Variants in RANBP2 observed in about 807,000 individuals in gnomAD.
RANBP2 encodes RAN binding protein 2.
RANBP2 carries 57 observed loss-of-function variants against 303.6 expected under a neutral mutation model. The observed-to-expected ratio is 0.19, with a 90% CI of 0.15 to 0.23. The LOEUF (loss-of-function observed/expected upper bound fraction) is 0.23, where lower values mean the gene tolerates loss of function less well. Among genes scored for constraint, RANBP2 ranks in the 10% least tolerant of loss-of-function variants. The probability of loss-of-function intolerance (pLI) is 1.00; values close to 1 mark genes in which losing one functional copy is unlikely to be tolerated. For synonymous variants in RANBP2, 1,167 were observed against 1,301.5 expected, an observed-to-expected ratio of 0.90 and a Z score of 2.23; for missense variants, 3,138 against 3,780.8, an observed-to-expected ratio of 0.83 and a Z score of 4.46.
chr2:108,753,475 T>C lies in RANBP2; in HGVS notation c.1967T>C (p.Ile656Thr), dbSNP rs1204704940. ...YEEDAHITFA[I>T]LDAVNGNIED... is the part of the protein sequence containing the mutation. ...GAAGACGCACACATAACTTTTGCTA[T>C]ATTGGATGCAGTAAATGGAAATATA... The change falls in exon 14 of 29, where the codon ATA becomes ACA. Residue 656 changes from isoleucine to threonine, a missense_variant. Around this residue, in one of 20 missense-constraint regions of RANBP2, gnomAD observed 162 missense variants for 286.9 expected, o/e 0.56. Coordinates refer to ENST00000283195, the MANE Select transcript of RANBP2 (RefSeq NM_006267.5). The C allele has an allele frequency of 6.8e-6, 11 of 1,611,804 alleles. No homozygotes were observed. Among genetic ancestry groups the C allele is most frequent in the Non-Finnish European group, 9.3e-6 (11 of 1,179,834 alleles).
the RANBP2 span, among the ~76,000 whole-genome samples, chr2:109,056,318 C>G: frequency 1.3e-5 from 2 of 152,158 alleles, no homozygotes. Flanking sequence ...AGATGCAGGC[C>G]ACCATGCCTC....
chr2:108,748,663 T>C (rs1276429294), intron 8 of RANBP2, among the ~76,000 whole-genome samples: 9 of 152,160 alleles, frequency 5.9e-5, no homozygotes, highest in East Asian at 1.9e-4. Flanking sequence ...AATGCAAATA[T>C]GTTTGGCATT....
At chr2:108,816,035 G>T in the RANBP2 span, 1 of 1,613,782 alleles carries the variant, frequency 6.2e-7, no homozygotes, top group East Asian at 2.2e-5. Flanking sequence ...GAAGAATCTG[G>T]AATGGATGGT....
the RANBP2 span, among the ~76,000 whole-genome samples, chr2:109,150,713 A>C: frequency 6.6e-6 from 1 of 152,094 alleles, no homozygotes; most frequent in East Asian, 1.9e-4. Flanking sequence ...GATGAGCCTC[A>C]TTTCACAGAG....
chr2:108,811,568 T>A, the RANBP2 span, among the ~76,000 whole-genome samples: 1 of 152,080 alleles, frequency 6.6e-6, no homozygotes, highest in Non-Finnish European at 1.5e-5. Context: ...GTCTAGCTCA[T>A]GGTTTGTTGG....
chr2:109,504,686 A>T, the RANBP2 span: 1 of 152,280 alleles, frequency 6.6e-6, no homozygotes, highest in African/African-American at 2.4e-5. Context: ...GCCAAGAGGG[A>T]CCCAGGTAGG....
the RANBP2 span, among the ~76,000 whole-genome samples, chr2:108,842,204 T>G: frequency 2.0e-4 from 2 of 9,874 alleles, no homozygotes; most frequent in Admixed American, 2.3e-3. Context: ...ATTAAAAAGT[T>G]TTTTTTTTTT....
chr2:108,739,823 G>A (rs1212900856), intron 6 of RANBP2, among the ~76,000 whole-genome samples: 3 of 151,970 alleles, frequency 2.0e-5, no homozygotes, highest in Non-Finnish European at 4.4e-5. Flanking sequence ...GTCTCTACTA[G>A]AAATATAAAA....
At chr2:109,481,419 G>A in the RANBP2 span, among the ~76,000 whole-genome samples, 5 of 152,114 alleles carry the variant, frequency 3.3e-5, no homozygotes, top group African/African-American at 1.2e-4. Flanking sequence ...AGAGACTGGT[G>A]TATTTCCTCC....
chr2:109,431,984 C>A, the RANBP2 span, among the ~76,000 whole-genome samples: 1 of 152,188 alleles, frequency 6.6e-6, no homozygotes, highest in East Asian at 1.9e-4. Context: ...AGGTCTCTTC[C>A]ACCTCTGGTT....
chr2:109,539,127 G>A, the RANBP2 span, among the ~76,000 whole-genome samples: 1 of 151,846 alleles, frequency 6.6e-6, no homozygotes, highest in Non-Finnish European at 1.5e-5. Flanking sequence ...GTGAAACCCC[G>A]TCTCTACTAA....
At chr2:108,870,060 AC>A in the RANBP2 span, among the ~76,000 whole-genome samples, 1 of 152,246 alleles carries the variant, frequency 6.6e-6, no homozygotes, top group Non-Finnish European at 1.5e-5. Context: ...GGGAAGTGAT[AC>A]ATGAGCAAAA....
chr2:108,727,142 T>C (rs1573689797), intron 1 of RANBP2, among the ~76,000 whole-genome samples: 1 of 152,146 alleles, frequency 6.6e-6, no homozygotes, highest in Non-Finnish European at 1.5e-5. Flanking sequence ...CTCAATGAGC[T>C]GTTGAGTACA....
intron 1 of RANBP2, among the ~76,000 whole-genome samples, chr2:108,727,855 G>A (rs560244358): frequency 2.6e-5 from 4 of 152,170 alleles, no homozygotes; most frequent in African/African-American, 7.2e-5. Context: ...CGCCCGCCTC[G>A]GTCTCCGAAA....
intron 24 of RANBP2, among the ~76,000 whole-genome samples, 174 bp downstream of exon 24, chr2:108,776,110 A>C (rs1428725073): frequency 6.6e-6 from 1 of 152,188 alleles, no homozygotes; most frequent in Non-Finnish European, 1.5e-5. Context: ...TGTGTTGCCA[A>C]CAAATAAACA....
At chr2:108,793,631 C>G in the RANBP2 span, among the ~76,000 whole-genome samples, 32 of 151,164 alleles carry the variant, frequency 2.1e-4, no homozygotes, top group African/African-American at 7.5e-4. Flanking sequence ...GAGTCTCGCT[C>G]TGTCGCCCAG....
chr2:109,683,081 C>T, the RANBP2 span, among the ~76,000 whole-genome samples: 1 of 152,304 alleles, frequency 6.6e-6, no homozygotes, highest in African/African-American at 2.4e-5. Flanking sequence ...TGTCGGCTCA[C>T]TGCAACCTCT....
At chr2:108,855,421 CTT>C in the RANBP2 span, among the ~76,000 whole-genome samples, 9 of 151,592 alleles carry the variant, frequency 5.9e-5, no homozygotes. Flanking sequence ...TGTGATAAAA[CTT>C]TTGTTCCTAT....
At chr2:109,535,788 C>T in the RANBP2 span, among the ~76,000 whole-genome samples, 5 of 152,248 alleles carry the variant, frequency 3.3e-5, no homozygotes, top group East Asian at 9.7e-4. Flanking sequence ...CCTGAGTACA[C>T]ACAAGTAAAT....
Sources: allele counts gnomAD v4.1 joint callset (sites outside exome capture counted in the v4.1 genomes callset), GRCh38; gene constraint gnomAD v4.1.1; regional missense constraint gnomAD v4.1.1; transcripts MANE v1.5; gene names NCBI Gene and HGNC (gene_info 2026-07-23, HGNC 2026-07-21).